EYS: variants seen among roughly 807,000 people sequenced by gnomAD.
EYS encodes the protein protein eyes shut homolog.
EYS carries 250 observed loss-of-function variants against 282.1 expected under a neutral mutation model. The ratio of observed to expected loss-of-function variants is 0.89; its 90% CI spans 0.80 to 0.98. EYS has a LOEUF of 0.98. EYS is among the 50% of genes least tolerant of loss of function. EYS has a pLI of 0.00. For synonymous variants in EYS, 1,355 were observed against 1,282.9 expected (o/e 1.06, Z -1.20); for missense variants, 4,016 against 3,709.0 (o/e 1.08, Z -2.15).
intron 2 of EYS, among the ~76,000 whole-genome samples, chr6:65,626,645 C>T (rs1766703879): frequency 6.6e-6 from 1 of 151,932 alleles, no homozygotes; most frequent in African/African-American, 2.4e-5. Flanking sequence ...AAGCCATGGA[C>T]CCGAATAAGG....
At chr6:65,639,076 G>C (rs1396127118) in intron 2 of EYS, among the ~76,000 whole-genome samples, 1 of 152,112 alleles carries the variant, frequency 6.6e-6, no homozygotes, top group Non-Finnish European at 1.5e-5. Flanking sequence ...CAGGATACTA[G>C]AACAAGCAGA....
chr6:64,858,106 A>T (rs1766123411), intron 19 of EYS, among the ~76,000 whole-genome samples: 1 of 152,052 alleles, frequency 6.6e-6, no homozygotes, highest in Non-Finnish European at 1.5e-5. Context: ...GTTTGATGCT[A>T]TCTCATTTGT....
chr6:65,556,969 T>C (rs1768835398), intron 2 of EYS, among the ~76,000 whole-genome samples: 1 of 152,212 alleles, frequency 6.6e-6, no homozygotes, highest in Non-Finnish European at 1.5e-5. Context: ...TATATGGTAA[T>C]AATATATGTC....
At chr6:65,613,173 A>T (rs1766061653) in intron 2 of EYS, among the ~76,000 whole-genome samples, 2 of 151,902 alleles carry the variant, frequency 1.3e-5, no homozygotes, top group African/African-American at 4.8e-5. Context: ...TGAATATAAC[A>T]GTACATGCAA....
intron 12 of EYS, among the ~76,000 whole-genome samples, chr6:65,240,556 G>C (rs979065992): frequency 6.6e-6 from 1 of 152,088 alleles, no homozygotes; most frequent in African/African-American, 2.4e-5. Flanking sequence ...GTGTTTTGCT[G>C]TTAATTACCT....
At chr6:65,015,883 A>AAAAAC (rs1396729788) in intron 13 of EYS, among the ~76,000 whole-genome samples, 1 of 147,970 alleles carries the variant, frequency 6.8e-6, no homozygotes, top group Non-Finnish European at 1.5e-5. Context: ...AAAAAAAAAA[A>AAAAAC]AAAAAAAAAA....
rs1050713958 is a variant in EYS, at chr6:64,553,546, C to CG, written c.5644+36676_5644+36677insC. ...AAGAACATCTGTGACTTTTGTTTGACCCCCCCCCCCCCATAGGCAGTTACA... is the reference window on the plus strand; with the variant it reads ...AAGAACATCTGTGACTTTTGTTTGACGCCCCCCCCCCCCATAGGCAGTTACA... On this transcript the variant is annotated intron_variant, in intron 26 of 42. Coordinates refer to ENST00000503581, the MANE Select transcript of EYS (RefSeq NM_001142800.2). Among the ~76,000 whole-genome samples, 7 of 34,032 alleles carry CG rather than the reference C, an allele frequency of 2.1e-4. 1 individual carries two copies. Among genetic ancestry groups the CG allele is most frequent in the African/African-American group, 1.2e-3 (6 of 4,996 alleles). The allele number at this position is 34,032 out of a possible 152,430, so 22.3% of individuals were successfully genotyped here.
intron 5 of EYS, among the ~76,000 whole-genome samples, chr6:65,481,079 TTATA>T (rs1434466769): frequency 6.6e-6 from 1 of 152,194 alleles, no homozygotes; most frequent in Non-Finnish European, 1.5e-5. Flanking sequence ...CCGTAATTTA[TTATA>T]TATTTTCAAA....
chr6:63,756,623 G>T (rs1769491471), intron 41 of EYS, among the ~76,000 whole-genome samples: 1 of 152,138 alleles, frequency 6.6e-6, no homozygotes, highest in African/African-American at 2.4e-5. Flanking sequence ...TTGGTATCAG[G>T]ATGATGCTGC....
At chr6:63,866,968 T>C (rs974155237) in intron 35 of EYS, among the ~76,000 whole-genome samples, 2 of 152,188 alleles carry the variant, frequency 1.3e-5, no homozygotes, top group African/African-American at 4.8e-5. Flanking sequence ...GTGTTATACC[T>C]GGACTCAAAG....
chr6:64,057,130 A>C (rs1170237437), intron 33 of EYS, among the ~76,000 whole-genome samples: 1 of 152,226 alleles, frequency 6.6e-6, no homozygotes, highest in Non-Finnish European at 1.5e-5. Context: ...GAGTTCAAAC[A>C]CTTTGGCTCA....
At chr6:65,580,777 A>G (rs1205431924) in intron 2 of EYS, among the ~76,000 whole-genome samples, 1 of 152,032 alleles carries the variant, frequency 6.6e-6, no homozygotes, top group Non-Finnish European at 1.5e-5. Context: ...TAATATAGCT[A>G]ATGTTCTAAC....
intron 22 of EYS, among the ~76,000 whole-genome samples, chr6:64,804,810 T>A (rs976768774): frequency 2.0e-5 from 3 of 152,124 alleles, no homozygotes; most frequent in African/African-American, 7.2e-5. Flanking sequence ...CATAAAAAAT[T>A]CACATATTTG....
intron 22 of EYS, among the ~76,000 whole-genome samples, chr6:64,704,519 T>TTATAA (rs74605306): frequency 3.1e-3 from 225 of 72,734 alleles, no homozygotes; most frequent in East Asian, 8.3e-3. Context: ...AATATTATAA[T>TTATAA]TATAATACTT....
intron 13 of EYS, among the ~76,000 whole-genome samples, chr6:65,020,144 C>G (rs977262397): frequency 1.3e-5 from 2 of 152,078 alleles, no homozygotes; most frequent in Admixed American, 6.5e-5. Context: ...ATCTCATGTC[C>G]TCACAATTTA....
intron 15 of EYS, among the ~76,000 whole-genome samples, chr6:64,937,240 A>G (rs1768939711): frequency 6.6e-6 from 1 of 151,576 alleles, no homozygotes; most frequent in African/African-American, 2.4e-5. Flanking sequence ...CTTCAGTTAG[A>G]CAACAATTTC....
At chr6:63,889,787 A>C (rs60445503) in intron 35 of EYS, among the ~76,000 whole-genome samples, 17,878 of 152,156 alleles carry the variant, frequency 0.12, 1,283 homozygotes, top group African/African-American at 0.19. Flanking sequence ...ACCTTAACTG[A>C]AAATGGGCTA....
intron 12 of EYS, 55 bp downstream of exon 12, chr6:65,295,808 T>TA: frequency 7.4e-7 from 1 of 1,343,592 alleles, no homozygotes; most frequent in Non-Finnish European, 1.0e-6. Context: ...CAAATAAATA[T>TA]ATTAACAACA....
intron 35 of EYS, among the ~76,000 whole-genome samples, chr6:63,940,251 G>T (rs974458212): frequency 2.6e-5 from 4 of 151,974 alleles, no homozygotes; most frequent in Admixed American, 6.6e-5. Flanking sequence ...ATGTACCATA[G>T]ATTGAAATCT....
Sources: gnomAD v4.1 joint callset for allele counts (sites outside exome capture counted in the v4.1 genomes callset) on GRCh38, gnomAD v4.1.1 for gene constraint, MANE v1.5 for transcripts, NCBI Gene and HGNC (gene_info 2026-07-23, HGNC 2026-07-21) for gene names.